The following PRKN variants were observed in gnomAD, a reference collection of about 807,000 sequenced individuals.
PRKN encodes E3 ubiquitin-protein ligase parkin.
PRKN carries 56 observed loss-of-function variants against 59.5 expected under a neutral mutation model. The observed-to-expected ratio is 0.94, with a 90% CI of 0.76 to 1.18. The LOEUF is 1.18. Ranked by LOEUF, PRKN falls within the 50% of genes most tolerant of loss-of-function variation. The pLI is 0.00. For synonymous variants in PRKN, 250 were observed against 222.1 expected (o/e 1.13, Z -1.12); for missense variants, 657 against 596.4 (o/e 1.10, Z -1.06).
At chr6:162,100,136 T>C (rs1027345996) in intron 4 of PRKN, among the ~76,000 whole-genome samples, 2 of 152,266 alleles carry the variant, frequency 1.3e-5, no homozygotes, top group Non-Finnish European at 2.9e-5. Context: ...TGGTATCTTA[T>C]TGTGTTTATA....
chr6:162,182,433 G>T (rs2226771), intron 4 of PRKN, among the ~76,000 whole-genome samples: 2 of 152,196 alleles, frequency 1.3e-5, no homozygotes, highest in Admixed American at 6.5e-5. Flanking sequence ...GTTGCCGTCA[G>T]GCTGAAGCCT....
chr6:161,409,484 G>GCCC lies in PRKN; in HGVS notation c.1084-22610_1084-22608dup, dbSNP rs60926945. On this transcript the variant is annotated intron_variant, in intron 9 of 11. Transcript: ENST00000366898. This position sits in a 1 kb window ranked among gnomAD's most constrained non-coding sequence, Gnocchi z 4.6. ...CGGAAGGACCCAGTCTTTCCAGAGT[G>GCCC]CCCCTTTCTCAGGACATAGACAAGT... Among the ~76,000 whole-genome samples, 4,041 of 152,236 alleles carry GCCC rather than the reference G, an allele frequency of 0.027. 187 individuals are homozygous for GCCC. The highest frequency in any genetic ancestry group is 0.094 in the African/African-American group (3,890 of 41,490).
intron 7 of PRKN, among the ~76,000 whole-genome samples, chr6:161,726,045 GACTTC>G (rs1160026968): frequency 2.0e-5 from 3 of 152,180 alleles, no homozygotes; most frequent in Non-Finnish European, 4.4e-5. Context: ...TGAGGGCACT[GACTTC>G]ACTTCACAAA....
At chr6:161,865,816 T>G (rs1297622313) in intron 6 of PRKN, among the ~76,000 whole-genome samples, 1 of 152,210 alleles carries the variant, frequency 6.6e-6, no homozygotes, top group African/African-American at 2.4e-5. Context: ...TTCTTAACAT[T>G]CACGTGTTCA....
intron 5 of PRKN, among the ~76,000 whole-genome samples, chr6:161,976,411 T>C (rs1318837859): frequency 6.6e-6 from 1 of 152,190 alleles, no homozygotes; most frequent in Non-Finnish European, 1.5e-5. Context: ...GTGGACAGGA[T>C]GTCCAGTGTG....
At chr6:161,657,402 A>G (rs2128164187) in intron 7 of PRKN, among the ~76,000 whole-genome samples, 1 of 152,286 alleles carries the variant, frequency 6.6e-6, no homozygotes, top group African/African-American at 2.4e-5. Context: ...GTGGCTTGCC[A>G]CTGCTCCTAG....
intron 1 of PRKN, among the ~76,000 whole-genome samples, chr6:162,700,387 G>A (rs1778111141): frequency 1.3e-5 from 2 of 152,180 alleles, no homozygotes. Context: ...TGTGTGAACA[G>A]CAAGACAATC....
intron 1 of PRKN, among the ~76,000 whole-genome samples, chr6:162,460,020 T>C (rs561956843): frequency 1.3e-5 from 2 of 152,320 alleles, no homozygotes; most frequent in Admixed American, 6.5e-5. Flanking sequence ...CTAGGCTATA[T>C]ACTTGATAGA....
chr6:162,491,303 G>A (rs1792804969), intron 1 of PRKN, among the ~76,000 whole-genome samples: 2 of 151,612 alleles, frequency 1.3e-5, no homozygotes, highest in South Asian at 4.2e-4. Context: ...AACCAAGGAT[G>A]GCACCAGGGA....
At chr6:162,354,249 C>T (rs945266418) in intron 2 of PRKN, among the ~76,000 whole-genome samples, 11 of 152,164 alleles carry the variant, frequency 7.2e-5, no homozygotes, top group African/African-American at 1.9e-4. Flanking sequence ...TATCATACCT[C>T]GGTATTTAAA....
In PRKN at chr6:161,552,484, G is replaced by T. The variant is rs1284392864; in HGVS notation, c.934-3481C>A. Among the ~76,000 whole-genome samples, 1 of 40,816 alleles carries T rather than the reference G, an allele frequency of 2.5e-5. No homozygotes were observed. The highest frequency in any genetic ancestry group is 8.2e-5 in the African/African-American group (1 of 12,166). The allele number at this position is 40,816 out of a possible 152,430, so 26.8% of individuals were successfully genotyped here. ...CGCCTATGACTGTGAATGATCTCAC[G>T]GTGATCCTCCAAGCCCCTCTCCCTC... On this transcript the variant is annotated intron_variant, in intron 8 of 11. Transcript: ENST00000366898. This position sits in a 1 kb window ranked among gnomAD's most constrained non-coding sequence, Gnocchi z 4.9.
intron 9 of PRKN, among the ~76,000 whole-genome samples, chr6:161,512,880 T>C (rs1215095531): frequency 1.3e-5 from 2 of 152,218 alleles, no homozygotes; most frequent in Non-Finnish European, 2.9e-5. Context: ...TTTGAATAGC[T>C]GTAGGCTTAA....
intron 7 of PRKN, among the ~76,000 whole-genome samples, chr6:161,607,937 C>G (rs765730118): frequency 4.9e-4 from 74 of 152,064 alleles, no homozygotes; most frequent in Non-Finnish European, 9.0e-4. Flanking sequence ...CAGCCACCAG[C>G]CCTGAAAGCT....
At chr6:161,553,369 TTCC>T (rs923281415) in intron 8 of PRKN, among the ~76,000 whole-genome samples, 3 of 152,000 alleles carry the variant, frequency 2.0e-5, no homozygotes, top group African/African-American at 7.2e-5. Context: ...CCCCTCTCTT[TTCC>T]TCCTTTTTTC....
At chr6:162,212,590 T>C (rs148470493) in intron 3 of PRKN, among the ~76,000 whole-genome samples, 5 of 152,324 alleles carry the variant, frequency 3.3e-5, no homozygotes, top group Admixed American at 3.3e-4. Flanking sequence ...GTATTCTTCA[T>C]TGCCTCTATA....
chr6:161,866,461 G>C (rs913529198), intron 6 of PRKN, among the ~76,000 whole-genome samples: 3 of 152,130 alleles, frequency 2.0e-5, no homozygotes, highest in African/African-American at 7.2e-5. Flanking sequence ...TGTAGTCCCA[G>C]CTACTTGGGA....
chr6:161,839,538 G>A (rs140939157), intron 6 of PRKN, among the ~76,000 whole-genome samples: 4,363 of 152,118 alleles, frequency 0.029, 75 homozygotes, highest in South Asian at 0.041. Flanking sequence ...GGAGGTAGCC[G>A]GGGGTCCCAC....
rs550420731 is a variant in PRKN at position 161,929,257 on chromosome 6, G to A, written c.734+44045C>T. 2.0e-4 allele frequency among the ~76,000 whole-genome samples: 31 copies of A among 152,252 alleles called. No individual in the cohort carries two copies. The South Asian group carries it at 6.4e-3, about 32-fold the overall frequency. On this transcript the variant is annotated intron_variant, in intron 6 of 11. Transcript: ENST00000366898. Reference sequence around the variant, plus strand: ...TAATACGATTCCTTTTATATGAAATGTCCAGAATAGACACAACTATAGAGA... The same window carrying A: ...TAATACGATTCCTTTTATATGAAATATCCAGAATAGACACAACTATAGAGA...
At chr6:161,867,886 G>A (rs1041891356) in intron 6 of PRKN, among the ~76,000 whole-genome samples, 1 of 151,572 alleles carries the variant, frequency 6.6e-6, no homozygotes, top group Non-Finnish European at 1.5e-5. Context: ...TCAGCCTCCC[G>A]AGTAGCTGGG....
Sources: allele counts gnomAD v4.1 joint callset (sites outside exome capture counted in the v4.1 genomes callset), GRCh38; gene constraint gnomAD v4.1.1; non-coding constraint Gnocchi (gnomAD v3.1); transcripts MANE v1.5; gene names NCBI Gene and HGNC (gene_info 2026-07-23, HGNC 2026-07-21).